CACNG5: variants seen among roughly 807,000 people sequenced by gnomAD.
CACNG5 encodes voltage-dependent calcium channel gamma-5 subunit.
A neutral mutation model predicts 24.8 loss-of-function variants in CACNG5; 18 were observed. The ratio of observed to expected loss-of-function variants is 0.73; its 90% CI spans 0.50 to 1.08. The LOEUF is 1.08. CACNG5 is among the 50% of genes least tolerant of loss of function. CACNG5 has a pLI of 0.00. For synonymous variants in CACNG5, 157 were observed against 149.1 expected (o/e 1.05, Z -0.39); for missense variants, 349 against 367.9 (o/e 0.95, Z 0.42).
chr17:66,857,065 G>GTTTTTTTTTTTT (rs56153121), intron 1 of CACNG5, among the ~76,000 whole-genome samples: 1 of 94,004 alleles, frequency 1.1e-5, no homozygotes, highest in African/African-American at 4.4e-5. Flanking sequence ...CAATTTTTAA[G>GTTTTTTTTTTTT]TTTTTTTTTT....
chr17:66,844,428 CA>C (rs1976609497), intron 1 of CACNG5, among the ~76,000 whole-genome samples: 1 of 152,128 alleles, frequency 6.6e-6, no homozygotes, highest in Non-Finnish European at 1.5e-5. Flanking sequence ...AGAAGGAGAG[CA>C]GCTACTATAT....
chr17:66,880,497 A>C (rs1977142770), intron 3 of CACNG5, 60 bp from the exon 4 acceptor site: 2 of 1,606,260 alleles, frequency 1.2e-6, no homozygotes, highest in Middle Eastern at 1.7e-4. Flanking sequence ...TCAACTCAGG[A>C]TGATGAGGAA....
chr17:66,856,058 A>G (rs1360037157), intron 1 of CACNG5, among the ~76,000 whole-genome samples: 2 of 152,236 alleles, frequency 1.3e-5, no homozygotes, highest in Non-Finnish European at 2.9e-5. Flanking sequence ...TGGGTAAACC[A>G]TAGTTCCTAT....
intron 1 of CACNG5, among the ~76,000 whole-genome samples, chr17:66,872,631 C>T (rs767481156): frequency 6.6e-6 from 1 of 152,192 alleles, no homozygotes; most frequent in Admixed American, 6.5e-5. Flanking sequence ...TGCTGGTGCA[C>T]ACTTTTATCT....
Position 66,885,473 on chromosome 17 carries a change from A to C in CACNG5, c.*233A>C. 3.7e-6 allele frequency: 2 copies of C among 534,266 alleles called. No individual in the cohort carries two copies. The highest frequency in any genetic ancestry group is 3.3e-5 in the South Asian group (1 of 29,890). 33.1% of individuals were successfully genotyped at this position (534,266 alleles called of 1,614,324 possible). ...GCTGATTGTCTGGGAACATGGGAGA[A>C]GCCCCGCCCATGTGAGTGCCAATCA... On this transcript the variant is annotated 3_prime_UTR_variant, in exon 6 of 6. Coordinates refer to ENST00000533854, the MANE Select transcript of CACNG5 (RefSeq NM_145811.3).
chr17:66,860,757 A>C (rs1378449674), intron 1 of CACNG5, among the ~76,000 whole-genome samples: 1 of 152,228 alleles, frequency 6.6e-6, no homozygotes, highest in Non-Finnish European at 1.5e-5. Flanking sequence ...AGCTTGTCCA[A>C]CTCATGGCCC....
At chr17:66,878,689 A>G (rs1977117390) in intron 2 of CACNG5, among the ~76,000 whole-genome samples, 1 of 152,166 alleles carries the variant, frequency 6.6e-6, no homozygotes, top group African/African-American at 2.4e-5. Context: ...TTCACTCAGC[A>G]TGGAGAGTTT....
intron 1 of CACNG5, among the ~76,000 whole-genome samples, chr17:66,856,463 G>A (rs1976777194): frequency 6.6e-6 from 1 of 151,800 alleles, no homozygotes; most frequent in Non-Finnish European, 1.5e-5. Flanking sequence ...GGATATCCTG[G>A]TAACCAAGAT....
chr17:66,865,366 G>T (rs190448395), intron 1 of CACNG5, among the ~76,000 whole-genome samples: 6 of 151,550 alleles, frequency 4.0e-5, no homozygotes, highest in African/African-American at 1.5e-4. Flanking sequence ...AATCGCTGAT[G>T]TAAGACATTC....
chr17:66,842,124 A>G (rs746825074), intron 1 of CACNG5, among the ~76,000 whole-genome samples: 5 of 152,178 alleles, frequency 3.3e-5, no homozygotes, highest in South Asian at 2.1e-4. Context: ...TTACTGCCAA[A>G]TGGGCTGGGC....
intron 4 of CACNG5, among the ~76,000 whole-genome samples, chr17:66,881,887 A>G (rs887592846): frequency 2.6e-5 from 4 of 152,186 alleles, no homozygotes; most frequent in African/African-American, 9.6e-5. Flanking sequence ...ATTGCTCATC[A>G]TGGCAGGTGC....
intron 1 of CACNG5, among the ~76,000 whole-genome samples, chr17:66,857,065 G>GTTTTTTTTTTTTTTTTTTTT: frequency 1.1e-5 from 1 of 94,004 alleles, no homozygotes; most frequent in Non-Finnish European, 2.0e-5. Flanking sequence ...CAATTTTTAA[G>GTTTTTTTTTTTTTTTTTTTT]TTTTTTTTTT....
At position 66,880,448 on chromosome 17, in the gene CACNG5, G is replaced by A. The variant is rs920345730; in HGVS notation, c.284-109G>A. 2.9e-5 allele frequency: 40 copies of A among 1,369,898 alleles called. No individual in the cohort carries two copies. The African/African-American group carries it at 5.1e-4, about 18-fold the overall frequency. The allele number at this position is 1,369,898 out of a possible 1,614,324, so 84.9% of individuals were successfully genotyped here. ...AGTCTGGGGAACCCCTGCAGGGGTGGGGCTTTGAGGACCAGTTGGTAGACA... is the reference window on the plus strand; with the variant it reads ...AGTCTGGGGAACCCCTGCAGGGGTGAGGCTTTGAGGACCAGTTGGTAGACA... On this transcript the variant is annotated intron_variant, in intron 3 of 5. Transcript: ENST00000533854.
chr17:66,887,176 G>T lies in CACNG5; in HGVS notation c.*1936G>T, dbSNP rs7215831. Among the ~76,000 whole-genome samples the T allele has an allele frequency of 0.52, 79,051 of 151,954 alleles. 21,216 individuals are homozygous for T. The highest frequency in any genetic ancestry group is 0.67 in the African/African-American group (27,704 of 41,416). ...GGATTCTTCCATTTGTCTCACAGCA[G>T]GGTGGAGGAGAAGGGTAAGAGAAGC... On this transcript the variant is annotated 3_prime_UTR_variant, in exon 6 of 6. Transcript: ENST00000533854.
At chr17:66,878,060 C>T (rs191291366) in intron 2 of CACNG5, among the ~76,000 whole-genome samples, 50 of 152,364 alleles carry the variant, frequency 3.3e-4, no homozygotes, top group Non-Finnish European at 6.5e-4. Flanking sequence ...AGAGGAAACA[C>T]ATGAGCAGGT....
intron 1 of CACNG5, among the ~76,000 whole-genome samples, chr17:66,848,777 T>C (rs1404629489): frequency 6.6e-6 from 1 of 152,114 alleles, no homozygotes; most frequent in African/African-American, 2.4e-5. Context: ...CAGCGCTGGA[T>C]GCAAGGAGAA....
intron 1 of CACNG5, among the ~76,000 whole-genome samples, chr17:66,854,389 G>A (rs556477040): frequency 1.3e-5 from 2 of 150,770 alleles, no homozygotes; most frequent in East Asian, 3.9e-4. Flanking sequence ...TCGCGCCACT[G>A]CACTCCAGCC....
intron 1 of CACNG5, 81 bp from the exon 2 acceptor site, chr17:66,877,149 T>G: frequency 5.3e-6 from 3 of 565,948 alleles, no homozygotes; most frequent in Non-Finnish European, 3.1e-6. Flanking sequence ...GTCCAGGGGG[T>G]TGCCTGGTGG....
In CACNG5 at chr17:66,890,065, G is replaced by A. The variant is rs1977320990; in HGVS notation, c.*4825G>A. Among the ~76,000 whole-genome samples the A allele has an allele frequency of 6.6e-6, 1 of 152,222 alleles. No homozygotes were observed. Among genetic ancestry groups the A allele is most frequent in the South Asian group, 2.1e-4 (1 of 4,832 alleles). ...AGTCTTGACTTTCTCCCCACACTCA[G>A]TGAACCACTTTCATATGCTCGTGTG... On this transcript the variant is annotated 3_prime_UTR_variant, in exon 6 of 6. Coordinates refer to ENST00000533854, the MANE Select transcript of CACNG5 (RefSeq NM_145811.3).
Sources: gnomAD v4.1 joint callset for allele counts (sites outside exome capture counted in the v4.1 genomes callset) on GRCh38, gnomAD v4.1.1 for gene constraint, MANE v1.5 for transcripts, NCBI Gene and HGNC (gene_info 2026-07-23, HGNC 2026-07-21) for gene names.